The following LVRN variants were observed in gnomAD, a reference collection of about 807,000 sequenced individuals.
LVRN encodes laeverin, also known as aminopeptidase Q.
A neutral mutation model predicts 111.4 loss-of-function variants in LVRN; 99 were observed. That is an observed-to-expected ratio of 0.89 (90% confidence interval 0.76 to 1.05). The LOEUF (loss-of-function observed/expected upper bound fraction) is 1.05, where lower values mean the gene tolerates loss of function less well. Among genes scored for constraint, LVRN ranks in the 50% least tolerant of loss-of-function variants. LVRN has a pLI of 0.00. For missense variants in LVRN, 1,414 were observed against 1,206.8 expected, an observed-to-expected ratio of 1.17 and a Z score of -2.54; for synonymous variants, 488 against 449.5, an observed-to-expected ratio of 1.09 and a Z score of -1.08.
chr5:116,023,355 C>A (rs1015350142), intron 19 of LVRN: 3 of 152,212 alleles, frequency 2.0e-5, no homozygotes, highest in Non-Finnish European at 4.4e-5. Context: ...ATTAGGCAGT[C>A]TTTTTCCTTG....
Position 115,980,122 on chromosome 5 carries a change from G to T in LVRN, c.696-3165G>T, listed in dbSNP as rs188124866. On this transcript the variant is annotated intron_variant, in intron 1 of 19. Coordinates refer to ENST00000357872, the MANE Select transcript of LVRN (RefSeq NM_173800.5). ...TTCTCCCAAATTAACTCCCTCACCAGCTGACCATTCTAAACACAGACTTAA... is the reference window on the plus strand; with the variant it reads ...TTCTCCCAAATTAACTCCCTCACCATCTGACCATTCTAAACACAGACTTAA... 2.7e-3 allele frequency among the ~76,000 whole-genome samples: 409 copies of T among 152,212 alleles called. 3 individuals carry two copies. The highest frequency in any genetic ancestry group is 8.9e-3 in the African/African-American group (370 of 41,524).
intron 15 of LVRN, among the ~76,000 whole-genome samples, chr5:116,012,873 G>A (rs908047583): frequency 6.6e-6 from 1 of 152,196 alleles, no homozygotes; most frequent in South Asian, 2.1e-4. Context: ...CAGTCATTAT[G>A]CAGGTAAGAT....
chr5:115,986,249 C>G (rs1054577883), intron 3 of LVRN, among the ~76,000 whole-genome samples: 1 of 152,138 alleles, frequency 6.6e-6, no homozygotes, highest in Admixed American at 6.5e-5. Flanking sequence ...ACGTGCATGG[C>G]TTATATTTTT....
intron 6 of LVRN, 27 bp downstream of exon 6, chr5:115,993,881 A>G: frequency 2.2e-6 from 3 of 1,371,386 alleles, no homozygotes; most frequent in Non-Finnish European, 3.0e-6. Context: ...AGTTTATTTA[A>G]CATTTTTCTC....
At chr5:116,012,715 A>G (rs1035603705) in intron 15 of LVRN, among the ~76,000 whole-genome samples, 6 of 152,228 alleles carry the variant, frequency 3.9e-5, no homozygotes, top group African/African-American at 1.4e-4. Context: ...CTATATTCTC[A>G]AAGCCTAGAC....
At chr5:115,975,199 A>T (rs1753415510) in intron 1 of LVRN, 1 of 481,528 alleles carries the variant, frequency 2.1e-6, no homozygotes, top group Admixed American at 2.2e-5. Flanking sequence ...GTCTGGGCGC[A>T]CATCTAACAA....
intron 1 of LVRN, among the ~76,000 whole-genome samples, chr5:115,965,254 T>A (rs904686010): frequency 1.5e-4 from 23 of 152,188 alleles, no homozygotes; most frequent in African/African-American, 5.3e-4. Context: ...TATATATGAG[T>A]CTAAGAAGAT....
chr5:116,024,453 C>T (rs561251787), intron 19 of LVRN, among the ~76,000 whole-genome samples: 107 of 152,188 alleles, frequency 7.0e-4, no homozygotes, highest in Middle Eastern at 3.4e-3. Flanking sequence ...TGCTAATTCC[C>T]GAAGAAATTC....
chr5:115,983,206 C>T, intron 1 of LVRN, 81 bp from the exon 2 acceptor site: 6 of 1,423,224 alleles, frequency 4.2e-6, no homozygotes, highest in Non-Finnish European at 4.7e-6. Context: ...GGCTAACTTA[C>T]AAGCCATCAT....
chr5:116,006,112 G>GA lies in LVRN; in HGVS notation c.2093+147dup. Reference sequence around the variant, plus strand: ...AGGATGAAATTCTGTAGCTGCAATGGAATTTTATAATATAATGAGTTGCTG... The same window carrying GA: ...AGGATGAAATTCTGTAGCTGCAATGGAAATTTTATAATATAATGAGTTGCTG... On this transcript the variant is annotated intron_variant, in intron 13 of 19. Transcript: ENST00000357872. 3 of 603,444 alleles carry GA rather than the reference G, an allele frequency of 5.0e-6. No homozygotes were observed. In the East Asian group the frequency reaches 9.4e-5, roughly 19 times the overall value. The allele number at this position is 603,444 out of a possible 1,614,324, so 37.4% of individuals were successfully genotyped here.
intron 18 of LVRN, chr5:116,021,790 G>C: frequency 2.4e-6 from 1 of 417,610 alleles, no homozygotes; most frequent in South Asian, 1.8e-5. Context: ...ATACTTCACA[G>C]CTATTTTAAG....
intron 6 of LVRN, among the ~76,000 whole-genome samples, chr5:115,998,410 G>A (rs1241553427): frequency 6.6e-6 from 1 of 152,132 alleles, no homozygotes; most frequent in Non-Finnish European, 1.5e-5. Context: ...AAATGAGCAA[G>A]ATAAAAAGTT....
intron 18 of LVRN, among the ~76,000 whole-genome samples, chr5:116,018,682 A>AC (rs1748651527): frequency 6.6e-6 from 1 of 152,040 alleles, no homozygotes; most frequent in Non-Finnish European, 1.5e-5. Context: ...ATCTCCAAAA[A>AC]AGAAAGATAT....
At chr5:115,997,499 A>G (rs1156976577) in intron 6 of LVRN, among the ~76,000 whole-genome samples, 1 of 152,082 alleles carries the variant, frequency 6.6e-6, no homozygotes, top group East Asian at 1.9e-4. Flanking sequence ...TCTCGTCTCT[A>G]CTAAAATTTT....
chr5:116,003,616 CT>C (rs1201234059), intron 12 of LVRN, among the ~76,000 whole-genome samples: 1 of 135,902 alleles, frequency 7.4e-6, no homozygotes, highest in Non-Finnish European at 1.5e-5. Flanking sequence ...GAGTCTTGCT[CT>C]GTCGCCCAGG....
At chr5:116,023,762 A>C (rs1227866663) in intron 19 of LVRN, 2 of 152,242 alleles carry the variant, frequency 1.3e-5, no homozygotes, top group Non-Finnish European at 2.9e-5. Flanking sequence ...AAAATTAGAA[A>C]GATTTATGGT....
Position 116,001,138 on chromosome 5 carries a change from G to A in LVRN, c.1719G>A (p.Gln573=), listed in dbSNP as rs370871146. ...IKNIMDSWTH[Q]SGFPVITLNV... is the part of the protein sequence containing the mutation. ...ACATAATGGACAGTTGGACACACCA[G>A]AGTGGTTTTCCAGTGATCACTTTAA... The change falls in exon 10 of 20, where the codon CAG becomes CAA. Residue 573 remains glutamine (Q), a synonymous_variant. Transcript: ENST00000357872. 70 of 1,614,002 alleles carry A rather than the reference G, an allele frequency of 4.3e-5. No individual in the cohort carries two copies. The African/African-American group carries it at 6.8e-4, about 16-fold the overall frequency.
intron 6 of LVRN, among the ~76,000 whole-genome samples, chr5:115,997,655 C>G (rs549184733): frequency 3.1e-4 from 47 of 151,034 alleles, no homozygotes; most frequent in African/African-American, 1.1e-3. Context: ...CTGAGTGAGA[C>G]TCTCCAAAAA....
intron 18 of LVRN, among the ~76,000 whole-genome samples, chr5:116,017,045 G>A (rs148052035): frequency 4.6e-5 from 7 of 152,336 alleles, no homozygotes; most frequent in African/African-American, 1.7e-4. Flanking sequence ...GATAAATGCT[G>A]TAGAGGAGAG....
Sources: gnomAD v4.1 joint callset for allele counts (sites outside exome capture counted in the v4.1 genomes callset) on GRCh38, gnomAD v4.1.1 for gene constraint, MANE v1.5 for transcripts, NCBI Gene and HGNC (gene_info 2026-07-23, HGNC 2026-07-21) for gene names.